Variants in VPS13B observed in about 807,000 individuals in gnomAD.
VPS13B encodes vacuolar protein sorting 13 homolog B.
A neutral mutation model predicts 426.4 loss-of-function variants in VPS13B; 285 were observed. That is an observed-to-expected ratio of 0.67 (90% CI 0.61 to 0.74). The LOEUF (loss-of-function observed/expected upper bound fraction) is 0.74. VPS13B is among the 30% of genes least tolerant of loss of function. The pLI, the probability that VPS13B is intolerant of heterozygous loss-of-function variation, is 0.00. For missense variants in VPS13B, 4,537 were observed against 4,782.6 expected, an observed-to-expected ratio of 0.95 and a Z score of 1.51; for synonymous variants, 1,676 against 1,676.4, an observed-to-expected ratio of 1.00 and a Z score of 0.01.
intron 14 of VPS13B, among the ~76,000 whole-genome samples, chr8:99,155,582 T>A (rs1042418411): frequency 6.6e-6 from 1 of 152,230 alleles, no homozygotes; most frequent in African/African-American, 2.4e-5. Flanking sequence ...AAAAGCAACA[T>A]AATTCCTAAA....
intron 21 of VPS13B, among the ~76,000 whole-genome samples, chr8:99,392,846 T>C (rs1188814878): frequency 6.6e-6 from 1 of 152,142 alleles, no homozygotes; most frequent in Non-Finnish European, 1.5e-5. Flanking sequence ...TTTACTTTGT[T>C]GAGATTTTAT....
rs761378225 is a variant in VPS13B, at chr8:99,507,224, A to G, written c.4224+21A>G. 20 of 1,611,586 alleles carry G rather than the reference A, an allele frequency of 1.2e-5. No individual in the cohort carries two copies. The South Asian group carries it at 1.4e-4, about 12-fold the overall frequency. ...CTGTGGTGAGACCCATTTAGTTACT[A>G]TGATTTTTGAAAATGTACTTTAAAC... is the stretch of plus-strand genomic sequence containing the variant. On this transcript the variant is annotated intron_variant, in intron 28 of 61. Transcript: ENST00000357162.
At chr8:99,574,230 A>G (rs899444610) in intron 31 of VPS13B, among the ~76,000 whole-genome samples, 2 of 152,116 alleles carry the variant, frequency 1.3e-5, no homozygotes, top group South Asian at 4.1e-4. Context: ...TAAATATACA[A>G]TCATGTCGTC....
chr8:99,495,096 T>C (rs1450810025), intron 25 of VPS13B, among the ~76,000 whole-genome samples: 1 of 152,188 alleles, frequency 6.6e-6, no homozygotes, highest in Non-Finnish European at 1.5e-5. Context: ...TCCATCACCA[T>C]TCATCACTCA....
chr8:99,479,464 T>A (rs1819921703), intron 24 of VPS13B, among the ~76,000 whole-genome samples: 1 of 152,224 alleles, frequency 6.6e-6, no homozygotes, highest in Non-Finnish European at 1.5e-5. Context: ...AAATGTTTTA[T>A]TGAGGTTTAC....
chr8:99,215,177 G>C (rs567415571), intron 17 of VPS13B, among the ~76,000 whole-genome samples: 114 of 152,224 alleles, frequency 7.5e-4, no homozygotes, highest in African/African-American at 2.5e-3. Context: ...TTTGGTGAAT[G>C]TTCAAAATGT....
At chr8:99,072,458 C>G (rs902855291) in intron 3 of VPS13B, among the ~76,000 whole-genome samples, 3 of 152,138 alleles carry the variant, frequency 2.0e-5, no homozygotes, top group African/African-American at 7.2e-5. Context: ...AGTTGCATGA[C>G]AAAGAGCTCT....
At chr8:99,038,645 C>A in intron 3 of VPS13B, 79 bp downstream of exon 3, 6 of 1,109,346 alleles carry the variant, frequency 5.4e-6, no homozygotes, top group Non-Finnish European at 8.0e-6. Flanking sequence ...TTCAAATATG[C>A]CAACTGTTAC....
chr8:99,356,627 A>G (rs1245607546), intron 19 of VPS13B, among the ~76,000 whole-genome samples: 3 of 152,222 alleles, frequency 2.0e-5, no homozygotes, highest in African/African-American at 7.2e-5. Context: ...AGCCTCAGGG[A>G]CAGAGTGACA....
At chr8:99,101,421 C>T (rs1311127073) in intron 4 of VPS13B, among the ~76,000 whole-genome samples, 3 of 152,168 alleles carry the variant, frequency 2.0e-5, no homozygotes, top group East Asian at 3.8e-4. Flanking sequence ...CGTGAGCCAC[C>T]GTGCTTGGCC....
chr8:99,858,164 C>G (rs1816648951), intron 56 of VPS13B, among the ~76,000 whole-genome samples: 1 of 152,224 alleles, frequency 6.6e-6, no homozygotes, highest in South Asian at 2.1e-4. Flanking sequence ...GGGCTCTGAG[C>G]ACCAGGCTGG....
At chr8:99,014,484 T>C (rs1329260580) in intron 2 of VPS13B, among the ~76,000 whole-genome samples, 2 of 152,106 alleles carry the variant, frequency 1.3e-5, no homozygotes, top group African/African-American at 2.4e-5. Flanking sequence ...TTAAAGTTGC[T>C]TTGACAGAAA....
chr8:99,513,115 TTATAC>T (rs1189774395), intron 29 of VPS13B, among the ~76,000 whole-genome samples: 1 of 151,874 alleles, frequency 6.6e-6, no homozygotes, highest in Non-Finnish European at 1.5e-5. Context: ...GAATAAAGTT[TTATAC>T]TATATAATAT....
rs756795668 is a variant in VPS13B, at chr8:99,779,056, C to T, written c.7779+25C>T. 10 of 1,598,812 alleles carry T rather than the reference C, an allele frequency of 6.3e-6. No homozygotes were observed. In the Admixed American group the frequency reaches 6.7e-5, roughly 11 times the overall value. On this transcript the variant is annotated intron_variant, in intron 42 of 61. Coordinates refer to ENST00000357162, the MANE Select transcript of VPS13B (RefSeq NM_152564.5). ...GGTATGCACATTCCATAACAGTTTA[C>T]AGTTTGGCCACATATGATCTTTTAT... is the stretch of plus-strand genomic sequence containing the variant.
intron 4 of VPS13B, among the ~76,000 whole-genome samples, chr8:99,099,834 G>C (rs886868746): frequency 4.6e-5 from 7 of 152,188 alleles, no homozygotes; most frequent in Admixed American, 3.9e-4. Context: ...TTGGAAGAAG[G>C]GGTTATATGA....
intron 3 of VPS13B, among the ~76,000 whole-genome samples, chr8:99,076,988 G>A (rs1845161802): frequency 6.6e-6 from 1 of 151,694 alleles, no homozygotes; most frequent in South Asian, 2.1e-4. Context: ...GTAATGTTTG[G>A]TTCCTTTCTC....
chr8:99,074,619 A>G (rs1270460712), intron 3 of VPS13B, among the ~76,000 whole-genome samples: 2 of 152,016 alleles, frequency 1.3e-5, no homozygotes, highest in Non-Finnish European at 2.9e-5. Flanking sequence ...CATCATGGAT[A>G]ATGGCTTGCA....
At chr8:99,709,159 T>A (rs983592326) in intron 36 of VPS13B, among the ~76,000 whole-genome samples, 1 of 152,220 alleles carries the variant, frequency 6.6e-6, no homozygotes, top group Non-Finnish European at 1.5e-5. Context: ...TCCGGATGTA[T>A]CTAACACATG....
rs776596099 is a variant in VPS13B, at chr8:99,641,804, C to G, written c.5221-7C>G. On this transcript the variant is annotated splice_region_variant and splice_polypyrimidine_tract_variant and intron_variant, in intron 33 of 61. Coordinates refer to ENST00000357162, the MANE Select transcript of VPS13B (RefSeq NM_152564.5). ...GTTTGAAATATTTTATTACTTTTTT[C>G]TTACAGATCTCTAAACAAGAACAGA... The G allele has an allele frequency of 6.2e-7, 1 of 1,601,842 alleles. No individual in the cohort carries two copies. Among genetic ancestry groups the G allele is most frequent in the South Asian group, 1.1e-5 (1 of 90,218 alleles).
Sources: allele counts gnomAD v4.1 joint callset (sites outside exome capture counted in the v4.1 genomes callset), GRCh38; gene constraint gnomAD v4.1.1; transcripts MANE v1.5; gene names NCBI Gene and HGNC (gene_info 2026-07-23, HGNC 2026-07-21).